The following MRTFB variants were observed in gnomAD, a reference collection of about 807,000 sequenced individuals.
The protein encoded by MRTFB is myocardin related transcription factor B.
Under a neutral mutation model 104.2 loss-of-function variants are expected in MRTFB, and 29 were observed. The observed-to-expected ratio is 0.28, with a 90% CI of 0.21 to 0.38. MRTFB has a LOEUF of 0.38. Among genes scored for constraint, MRTFB ranks in the 10% least tolerant of loss-of-function variants. MRTFB has a pLI of 1.00. For missense variants in MRTFB, 1,270 were observed against 1,341.6 expected, an observed-to-expected ratio of 0.95 and a Z score of 0.83; for synonymous variants, 535 against 519.5, an observed-to-expected ratio of 1.03 and a Z score of -0.41.
At position 14,218,854 on chromosome 16, in the gene MRTFB, C is replaced by T. The variant is rs367882813; in HGVS notation, c.549C>T (p.Gly183=). The T allele has an allele frequency of 7.4e-6, 12 of 1,612,538 alleles. No individual in the cohort carries two copies. Among genetic ancestry groups the T allele is most frequent in the African/African-American group, 2.7e-5 (2 of 74,834 alleles). The change falls in exon 8 of 17, where the codon GGC becomes GGT. Residue 183 remains glycine, a synonymous_variant. Coordinates refer to ENST00000571589, the MANE Select transcript of MRTFB (RefSeq NM_001308142.2). ...AGGAGGACTATCCCCACACTCAGGG[C>T]GATTTCTCATTTGATGAAGACAGCA... ...VGKEDYPHTQ[G]DFSFDEDSSD...
At chr16:14,200,244 A>T in intron 3 of MRTFB, 1 of 1,382,900 alleles carries the variant, frequency 7.2e-7, no homozygotes, top group Non-Finnish European at 1.0e-6. Context: ...TGAATAATAC[A>T]TCCATATGTT....
rs1402964902 is a variant in MRTFB at position 14,266,595 on chromosome 16, G to C, written c.*5151G>C. The C allele has an allele frequency of 6.6e-6, 1 of 152,180 alleles. No homozygotes were observed. Among genetic ancestry groups the C allele is most frequent in the Non-Finnish European group, 1.5e-5 (1 of 68,034 alleles). 9.4% of individuals were successfully genotyped at this position (152,180 alleles called of 1,614,324 possible). A position where few individuals can be genotyped will look rare whatever the true frequency, so the allele number is the denominator to read the frequency against. On this transcript the variant is annotated 3_prime_UTR_variant, in exon 17 of 17. Coordinates refer to ENST00000571589, the MANE Select transcript of MRTFB (RefSeq NM_001308142.2). ...CTGAAATCAATTCCATATCATGTTTGAATGCCATACATTTTGCACATGTAC... is the reference window on the plus strand; with the variant it reads ...CTGAAATCAATTCCATATCATGTTTCAATGCCATACATTTTGCACATGTAC...
chr16:14,189,173 T>C (rs2040069214), intron 3 of MRTFB, among the ~76,000 whole-genome samples: 1 of 152,186 alleles, frequency 6.6e-6, no homozygotes, highest in Non-Finnish European at 1.5e-5. Flanking sequence ...GATCTGGATT[T>C]AATTAGAATG....
intron 8 of MRTFB, among the ~76,000 whole-genome samples, chr16:14,225,519 C>G (rs1358636643): frequency 5.9e-5 from 9 of 152,098 alleles, no homozygotes; most frequent in African/African-American, 1.9e-4. Context: ...ATATGCAAAC[C>G]TACCCCCAAA....
At chr16:14,071,230 C>A (rs2033661030), upstream of MRTFB, 1 of 153,084 alleles carries the variant, frequency 6.5e-6, no homozygotes, top group Admixed American at 6.5e-5. Context: ...GGGTGGGCAG[C>A]GTCCGGGGAG....
At chr16:14,183,021 C>T (rs2187664) in intron 3 of MRTFB, among the ~76,000 whole-genome samples, 44,395 of 152,066 alleles carry the variant, frequency 0.29, 13,529 homozygotes, top group African/African-American at 0.77. Flanking sequence ...TTTAGCCAAA[C>T]ACACCAATGG....
At chr16:14,210,354 A>T in intron 4 of MRTFB, 46 bp downstream of exon 4, 1 of 1,482,878 alleles carries the variant, frequency 6.7e-7, no homozygotes, top group Non-Finnish European at 9.4e-7. Context: ...ACAGAACATG[A>T]CGGGCGTGTC....
intron 8 of MRTFB, among the ~76,000 whole-genome samples, chr16:14,221,620 C>G (rs2041710338): frequency 6.6e-6 from 1 of 152,138 alleles, no homozygotes; most frequent in South Asian, 2.1e-4. Context: ...AAAAGAGCAA[C>G]ATACACGTCT....
At chr16:14,248,775 G>T (rs2043130994) in intron 12 of MRTFB, 151 bp from the exon 13 acceptor site, 1 of 716,264 alleles carries the variant, frequency 1.4e-6, no homozygotes, top group African/African-American at 1.8e-5. Flanking sequence ...TTAAAGTTCA[G>T]ATTTCTGTGC....
chr16:14,187,154 C>A, intron 3 of MRTFB: 1 of 782,588 alleles, frequency 1.3e-6, no homozygotes, highest in Non-Finnish European at 2.0e-6. Context: ...ATGTACCTTA[C>A]ACATTCTAAG....
chr16:14,033,809 C>G, the MRTFB span, among the ~76,000 whole-genome samples: 1 of 146,928 alleles, frequency 6.8e-6, no homozygotes, highest in Non-Finnish European at 1.5e-5. Context: ...GCACTCCAGC[C>G]TGGGCGACAG....
At chr16:14,152,172 T>C (rs530112042) in intron 3 of MRTFB, 8 of 152,306 alleles carry the variant, frequency 5.3e-5, no homozygotes, top group Admixed American at 2.0e-4. Flanking sequence ...CTAAGTTCTT[T>C]TTCTTTTTGA....
intron 1 of MRTFB, among the ~76,000 whole-genome samples, chr16:14,072,642 A>C (rs543452837): frequency 6.6e-6 from 1 of 152,266 alleles, no homozygotes; most frequent in South Asian, 2.1e-4. Flanking sequence ...CTGTGATTGC[A>C]CCACTGCCCT....
intron 2 of MRTFB, among the ~76,000 whole-genome samples, chr16:14,129,746 T>C (rs969853352): frequency 6.6e-6 from 1 of 152,242 alleles, no homozygotes; most frequent in African/African-American, 2.4e-5. Flanking sequence ...CAGTAGATTT[T>C]AATTGCATTT....
intron 2 of MRTFB, among the ~76,000 whole-genome samples, chr16:14,101,201 T>G (rs1425048953): frequency 6.6e-6 from 1 of 151,660 alleles, no homozygotes. Context: ...TGATTTGAGC[T>G]GTTTCCTCTC....
chr16:14,149,137 C>T (rs558532365), intron 3 of MRTFB: 48 of 152,212 alleles, frequency 3.2e-4, no homozygotes, highest in Admixed American at 7.2e-4. Flanking sequence ...AGGGTTGGCA[C>T]GTATGCGTTA....
chr16:14,038,224 T>C, the MRTFB span, among the ~76,000 whole-genome samples: 1 of 152,166 alleles, frequency 6.6e-6, no homozygotes, highest in African/African-American at 2.4e-5. Context: ...GTCTGTGTTC[T>C]AACTACCTCT....
At position 14,177,905 on chromosome 16, in the gene MRTFB, TG is replaced by T. The variant is rs1047590777; in HGVS notation, c.155-32337del. Among the ~76,000 whole-genome samples the T allele has an allele frequency of 4.2e-3, 485 of 116,146 alleles. 16 individuals are homozygous for T. Among genetic ancestry groups the T allele is most frequent in the Non-Finnish European group, 5.9e-4 (36 of 61,194 alleles). The allele number at this position is 116,146 out of a possible 152,430, so 76.2% of individuals were successfully genotyped here. ...AGAAGTACATGAACCAGAGGTAGGG[TG>T]TGTGTGTGTGTGTGTGTGTGTGTGT... On this transcript the variant is annotated intron_variant, in intron 3 of 16. Coordinates refer to ENST00000571589, the MANE Select transcript of MRTFB (RefSeq NM_001308142.2). The surrounding 1 kb of genome is among the most constrained non-coding windows in gnomAD (Gnocchi z 4.7).
At position 14,223,393 on chromosome 16, in the gene MRTFB, A is replaced by G. The variant is rs962137285; in HGVS notation, c.693+4395A>G. Among the ~76,000 whole-genome samples the G allele has an allele frequency of 3.9e-5, 6 of 152,260 alleles. No individual in the cohort carries two copies. In the South Asian group the frequency reaches 8.3e-4, roughly 21 times the overall value. On this transcript the variant is annotated intron_variant, in intron 8 of 16. Coordinates refer to ENST00000571589, the MANE Select transcript of MRTFB (RefSeq NM_001308142.2). ...AGAAACTATCTTAGAAGAAACACAC[A>G]TATCTGCCCTACTGGACAAAGACTT...
Sources: allele counts gnomAD v4.1 joint callset (sites outside exome capture counted in the v4.1 genomes callset), GRCh38; gene constraint gnomAD v4.1.1; non-coding constraint Gnocchi (gnomAD v3.1); transcripts MANE v1.5; gene names NCBI Gene and HGNC (gene_info 2026-07-23, HGNC 2026-07-21).